Variants in MAP3K1 observed in about 807,000 individuals in gnomAD.
The protein encoded by MAP3K1 is mitogen-activated protein kinase kinase kinase 1, also known as MAP/ERK kinase kinase 1.
Under a neutral mutation model 144.2 loss-of-function variants are expected in MAP3K1, and 36 were observed. The observed-to-expected ratio is 0.25, with a 90% CI of 0.19 to 0.33. MAP3K1 has a LOEUF of 0.33. Among genes scored for constraint, MAP3K1 ranks in the 10% least tolerant of loss-of-function variants. The pLI is 1.00. For synonymous variants in MAP3K1, 718 were observed against 688.7 expected, an observed-to-expected ratio of 1.04 and a Z score of -0.67; for missense variants, 1,650 against 1,881.9, an observed-to-expected ratio of 0.88 and a Z score of 2.28.
chr5:56,872,050 C>G lies in MAP3K1; in HGVS notation c.1423+19C>G. The G allele has an allele frequency of 6.2e-7, 1 of 1,613,760 alleles. No homozygotes were observed. Among genetic ancestry groups the G allele is most frequent in the Non-Finnish European group, 8.5e-7 (1 of 1,179,816 alleles). On this transcript the variant is annotated intron_variant, in intron 7 of 19. Transcript: ENST00000399503. ...TCAATTTGTATGTGGCTCTTTTTCTCCCTATGCTTACTCAACACAGTTGCT... is the reference window on the plus strand; with the variant it reads ...TCAATTTGTATGTGGCTCTTTTTCTGCCTATGCTTACTCAACACAGTTGCT...
At chr5:56,844,691 A>G (rs749689498) in intron 1 of MAP3K1, among the ~76,000 whole-genome samples, 163 of 152,180 alleles carry the variant, frequency 1.1e-3, no homozygotes, top group Non-Finnish European at 2.0e-3. Context: ...AGCAGAGTTG[A>G]CATTGTGTTT....
rs1745923702 is a variant in MAP3K1, at chr5:56,815,669, G to A, written c.96G>A (p.Lys32=). Residue 32 remains lysine (K), a synonymous_variant, in exon 1 of 20, where the codon AAG becomes AAA. Transcript: ENST00000399503. ...CAGGCGGCGGCGGAGGAGCCCTCAA[G>A]GCGAGCAGCGCGCCCGCGGCTGCCG... ...PEAGGGGGAL[K]ASSAPAAAAG... is the part of the protein sequence containing the mutation. 2 of 1,313,288 alleles carry A rather than the reference G, an allele frequency of 1.5e-6. No individual in the cohort carries two copies. The highest frequency in any genetic ancestry group is 1.5e-5 in the African/African-American group (1 of 64,998). The allele number at this position is 1,313,288 out of a possible 1,614,324, so 81.4% of individuals were successfully genotyped here.
chr5:56,890,257 ATTTT>A (rs1748509403), intron 19 of MAP3K1, among the ~76,000 whole-genome samples: 1 of 152,120 alleles, frequency 6.6e-6, no homozygotes, highest in Non-Finnish European at 1.5e-5. Flanking sequence ...GTTTGATGTT[ATTTT>A]AAGAGTTTTG....
At chr5:56,858,328 A>G (rs1250234834) in intron 2 of MAP3K1, among the ~76,000 whole-genome samples, 2 of 152,230 alleles carry the variant, frequency 1.3e-5, no homozygotes, top group Admixed American at 6.5e-5. Context: ...TACATGAACT[A>G]AGAATATCCA....
At chr5:56,838,833 T>A (rs914592614) in intron 1 of MAP3K1, among the ~76,000 whole-genome samples, 1 of 152,172 alleles carries the variant, frequency 6.6e-6, no homozygotes, top group African/African-American at 2.4e-5. Context: ...TAAACATGAT[T>A]CAGCACTTGG....
At chr5:56,874,866 TC>T (rs1401938590) in intron 9 of MAP3K1, among the ~76,000 whole-genome samples, 165 bp from the exon 10 acceptor site, 1 of 152,228 alleles carries the variant, frequency 6.6e-6, no homozygotes, top group East Asian at 1.9e-4. Context: ...ATAAAATTCT[TC>T]CTTATGATGC....
chr5:56,865,492 G>A (rs756202232), intron 5 of MAP3K1, 36 bp downstream of exon 5: 50 of 1,133,398 alleles, frequency 4.4e-5, no homozygotes, highest in Non-Finnish European at 6.0e-5. Context: ...AAAATTGTTA[G>A]CATATTCTTA....
At chr5:56,881,364 C>G (rs1234894955) in intron 13 of MAP3K1, 92 bp downstream of exon 13, 1 of 1,186,344 alleles carries the variant, frequency 8.4e-7, no homozygotes, top group East Asian at 2.4e-5. Flanking sequence ...TTGAAAGACT[C>G]AGAGCATGAA....
At position 56,815,830 on chromosome 5, in the gene MAP3K1, C is replaced by T. The variant is rs1420761579; in HGVS notation, c.257C>T (p.Ala86Val). ...QPLFLAASPP[A>V]SSTSPSPEPA... ...CTCTTCCTTGCCGCCTCACCGCCGG[C>T]CTCCTCGACTTCCCCGTCGCCGGAG... The change falls in exon 1 of 20, where the codon GCC becomes GTC. Residue 86 changes from alanine to valine, a missense_variant. By Grantham distance (64) the Ala-to-Val change is moderately conservative. Coordinates refer to ENST00000399503, the MANE Select transcript of MAP3K1 (RefSeq NM_005921.2). 3 of 1,414,768 alleles carry T rather than the reference C, an allele frequency of 2.1e-6. No homozygotes were observed. Among genetic ancestry groups the T allele is most frequent in the Admixed American group, 2.5e-5 (1 of 40,264 alleles). 87.6% of individuals were successfully genotyped at this position (1,414,768 alleles called of 1,614,324 possible). A position where few individuals can be genotyped will look rare whatever the true frequency, so the allele number is the denominator to read the frequency against.
rs368201444 is a variant in MAP3K1 at position 56,881,757 on chromosome 5, C to A, written c.2557C>A (p.Arg853Ser). Residue 853 changes from arginine to serine, a missense_variant, in exon 14 of 20, where the codon CGT (arginine) becomes AGT (serine). Coordinates refer to ENST00000399503, the MANE Select transcript of MAP3K1 (RefSeq NM_005921.2). ...VSSSTHFTRM[R>S]RRLMAIADEV... Reference sequence around the variant, plus strand: ...CAGTTCCACTCACTTCACCAGGATGCGTCGCCGTTTGATGGCTATTGCAGA... The same window carrying A: ...CAGTTCCACTCACTTCACCAGGATGAGTCGCCGTTTGATGGCTATTGCAGA... The A allele has an allele frequency of 6.2e-7, 1 of 1,614,078 alleles. No homozygotes were observed. The highest frequency in any genetic ancestry group is 8.5e-7 in the Non-Finnish European group (1 of 1,180,024).
intron 1 of MAP3K1, among the ~76,000 whole-genome samples, chr5:56,832,895 C>T (rs1319224983): frequency 1.3e-5 from 2 of 152,186 alleles, no homozygotes; most frequent in Non-Finnish European, 2.9e-5. Context: ...TGTTTTGAGA[C>T]GGAGTCTCGC....
intron 1 of MAP3K1, among the ~76,000 whole-genome samples, chr5:56,829,544 C>T (rs565684379): frequency 6.6e-6 from 1 of 152,212 alleles, no homozygotes; most frequent in African/African-American, 2.4e-5. Context: ...TTGCAGAGCA[C>T]ACGGACATTC....
chr5:56,860,205 T>A (rs1045843910), intron 3 of MAP3K1, among the ~76,000 whole-genome samples: 1 of 152,200 alleles, frequency 6.6e-6, no homozygotes, highest in African/African-American at 2.4e-5. Flanking sequence ...CTGTAGAAAC[T>A]ATATTCATTA....
chr5:56,876,658 C>T (rs1748042892), intron 10 of MAP3K1, among the ~76,000 whole-genome samples: 1 of 152,182 alleles, frequency 6.6e-6, no homozygotes, highest in Non-Finnish European at 1.5e-5. Flanking sequence ...CTCCCTTTTA[C>T]TAGCACGATG....
At chr5:56,821,644 A>G (rs944292546) in intron 1 of MAP3K1, among the ~76,000 whole-genome samples, 4 of 152,064 alleles carry the variant, frequency 2.6e-5, no homozygotes, top group African/African-American at 9.7e-5. Context: ...TGATCTTTCC[A>G]CATAGCTGGA....
intron 1 of MAP3K1, among the ~76,000 whole-genome samples, chr5:56,848,547 T>G (rs1484888864): frequency 3.9e-5 from 6 of 152,234 alleles, no homozygotes; most frequent in Non-Finnish European, 7.3e-5. Context: ...AATTTACCCT[T>G]TCCTTGTCTA....
intron 1 of MAP3K1, among the ~76,000 whole-genome samples, chr5:56,831,641 T>G (rs1039677377): frequency 6.6e-6 from 1 of 152,212 alleles, no homozygotes; most frequent in African/African-American, 2.4e-5. Flanking sequence ...ACATTAATCC[T>G]TTTGAGTATT....
At position 56,881,648 on chromosome 5, in the gene MAP3K1, C is replaced by T. The variant is rs1748210873; in HGVS notation, c.2448C>T (p.Ser816=). 3 of 1,614,044 alleles carry T rather than the reference C, an allele frequency of 1.9e-6. No homozygotes were observed. Among genetic ancestry groups the T allele is most frequent in the Non-Finnish European group, 2.5e-6 (3 of 1,179,970 alleles). Residue 816 remains serine (S), a synonymous_variant, in exon 14 of 20, where the codon TCC becomes TCT. Coordinates refer to ENST00000399503, the MANE Select transcript of MAP3K1 (RefSeq NM_005921.2). ...DNSHSMVGKL[S]RRIYLSSARM... is the part of the protein sequence containing the mutation. ...CCCACTCAATGGTTGGCAAACTTTC[C>T]AGAAGGATCTACTTGAGTTCTGCAA... is the stretch of plus-strand genomic sequence containing the variant.
In MAP3K1 at chr5:56,881,896, A is replaced by G. The variant is rs142968004; in HGVS notation, c.2696A>G (p.Asn899Ser). 5.6e-6 allele frequency: 9 copies of G among 1,614,136 alleles called. No homozygotes were observed. In the African/African-American group the frequency reaches 6.7e-5, roughly 12 times the overall value. ...AACAACTATCTGGAAACCACAGAGA[A>G]CAGTTCCCCTGAGTGCACAGTCCAT... ...VPNNYLETTE[N>S]SSPECTVHLE... The change falls in exon 14 of 20, where the codon AAC (asparagine) becomes AGC (serine). Residue 899 changes from asparagine to serine, a missense_variant. This residue lies in a region of MAP3K1 where 841 missense variants were observed against 886.5 expected (regional missense o/e 0.95). Coordinates refer to ENST00000399503, the MANE Select transcript of MAP3K1 (RefSeq NM_005921.2).
Sources: allele counts gnomAD v4.1 joint callset (sites outside exome capture counted in the v4.1 genomes callset), GRCh38; gene constraint gnomAD v4.1.1; regional missense constraint gnomAD v4.1.1; transcripts MANE v1.5; gene names NCBI Gene and HGNC (gene_info 2026-07-23, HGNC 2026-07-21).